Variants in GALNT10 observed in about 807,000 individuals in gnomAD.
GALNT10 encodes the protein GalNAc transferase 10.
Under a neutral mutation model 75.0 loss-of-function variants are expected in GALNT10, and 41 were observed. The observed-to-expected ratio is 0.55, with a 90% CI of 0.43 to 0.71. The LOEUF is 0.71. Among genes scored for constraint, GALNT10 ranks in the 30% least tolerant of loss-of-function variants. The probability of loss-of-function intolerance (pLI) is 0.00; values close to 1 mark genes in which losing one functional copy is unlikely to be tolerated. For synonymous variants in GALNT10, 302 were observed against 313.0 expected (o/e 0.96, Z 0.37); for missense variants, 727 against 818.5 (o/e 0.89, Z 1.36).
chr5:154,347,312 A>C (rs1755139253), intron 4 of GALNT10: 1 of 439,360 alleles, frequency 2.3e-6, no homozygotes, highest in Non-Finnish European at 4.3e-6. Context: ...AGAGTGATAC[A>C]CTATTATGCA....
intron 4 of GALNT10, among the ~76,000 whole-genome samples, chr5:154,346,267 G>T (rs1755123342): frequency 6.6e-6 from 1 of 152,064 alleles, no homozygotes; most frequent in Non-Finnish European, 1.5e-5. Flanking sequence ...GAACATGGCA[G>T]TACAGATATC....
At chr5:154,322,573 G>A (rs968952772) in intron 3 of GALNT10, among the ~76,000 whole-genome samples, 3 of 152,128 alleles carry the variant, frequency 2.0e-5, no homozygotes, top group Non-Finnish European at 4.4e-5. Context: ...TTAGGGCATG[G>A]CCATCCTTGG....
At chr5:154,383,737 T>C (rs576742532) in intron 6 of GALNT10, among the ~76,000 whole-genome samples, 168 of 152,276 alleles carry the variant, frequency 1.1e-3, no homozygotes, top group Non-Finnish European at 2.0e-3. Flanking sequence ...AGCGGTAGAT[T>C]TGTGGCTCCA....
intron 7 of GALNT10, chr5:154,389,152 A>T (rs2113189676): frequency 6.6e-6 from 1 of 152,102 alleles, no homozygotes; most frequent in African/African-American, 2.4e-5. Flanking sequence ...TATCCCAAGT[A>T]CCTAAAGCCT....
chr5:154,392,038 G>C (rs1363766550), intron 7 of GALNT10: 1 of 152,266 alleles, frequency 6.6e-6, no homozygotes, highest in Non-Finnish European at 1.5e-5. Flanking sequence ...TCCAGGTGCT[G>C]TGCCCAGAAG....
At chr5:154,225,301 C>T (rs147176042) in intron 1 of GALNT10, among the ~76,000 whole-genome samples, 2 of 151,842 alleles carry the variant, frequency 1.3e-5, no homozygotes, top group East Asian at 3.9e-4. Flanking sequence ...ACCCTGTTAG[C>T]CAGAATCGTC....
At chr5:154,279,612 T>C (rs549157249) in intron 1 of GALNT10, among the ~76,000 whole-genome samples, 1 of 152,086 alleles carries the variant, frequency 6.6e-6, no homozygotes, top group Admixed American at 6.5e-5. Flanking sequence ...TTAATGGTAG[T>C]TTTGATTTGC....
rs78185913 is a variant in GALNT10, at chr5:154,263,631, T to A, written c.160-31185T>A. 9.4e-3 allele frequency among the ~76,000 whole-genome samples: 1,427 copies of A among 152,274 alleles called. 9 individuals carry two copies. Among genetic ancestry groups the A allele is most frequent in the Non-Finnish European group, 0.015 (1,039 of 68,016 alleles). On this transcript the variant is annotated intron_variant, in intron 1 of 11. Transcript: ENST00000297107. ...GCTGGGAAGTCCAGGAGCAAGGCAGTGGCAGATTCAGTGTCTGATGAGGGC... is the reference window on the plus strand; with the variant it reads ...GCTGGGAAGTCCAGGAGCAAGGCAGAGGCAGATTCAGTGTCTGATGAGGGC...
chr5:154,256,682 T>G (rs1024882774), intron 1 of GALNT10, among the ~76,000 whole-genome samples: 12 of 152,120 alleles, frequency 7.9e-5, no homozygotes, highest in Admixed American at 3.3e-4. Flanking sequence ...GTTCACATAT[T>G]CTTCAAACAC....
intron 1 of GALNT10, among the ~76,000 whole-genome samples, chr5:154,281,732 G>A (rs1754041029): frequency 6.6e-6 from 1 of 152,190 alleles, no homozygotes; most frequent in African/African-American, 2.4e-5. Flanking sequence ...ACAAGATAGT[G>A]TATTTTTCTC....
At chr5:154,230,096 T>G (rs1753125794) in intron 1 of GALNT10, among the ~76,000 whole-genome samples, 1 of 152,236 alleles carries the variant, frequency 6.6e-6, no homozygotes, top group African/African-American at 2.4e-5. Flanking sequence ...ATAAATTTTT[T>G]GTTTTGTGAA....
At chr5:154,330,541 A>G (rs1358343913) in intron 4 of GALNT10, among the ~76,000 whole-genome samples, 1 of 152,160 alleles carries the variant, frequency 6.6e-6, no homozygotes, top group Non-Finnish European at 1.5e-5. Context: ...CAAGCATGTG[A>G]TCTTAGCTAC....
At chr5:154,256,070 C>A (rs978640936) in intron 1 of GALNT10, among the ~76,000 whole-genome samples, 1 of 152,028 alleles carries the variant, frequency 6.6e-6, no homozygotes, top group African/African-American at 2.4e-5. Flanking sequence ...TCCCTGAGCT[C>A]CCAGATCTTC....
intron 4 of GALNT10, among the ~76,000 whole-genome samples, chr5:154,348,490 A>G (rs1432283701): frequency 2.0e-5 from 3 of 152,194 alleles, no homozygotes; most frequent in African/African-American, 7.2e-5. Context: ...GTGATAAGAG[A>G]AAATATCTTT....
intron 1 of GALNT10, among the ~76,000 whole-genome samples, chr5:154,272,756 C>T (rs1753885866): frequency 6.6e-6 from 1 of 152,208 alleles, no homozygotes; most frequent in South Asian, 2.1e-4. Flanking sequence ...TTGCCTAGCG[C>T]AGAGCCTGGA....
chr5:154,408,947 G>A (rs551642408), intron 8 of GALNT10, among the ~76,000 whole-genome samples: 8 of 152,208 alleles, frequency 5.3e-5, no homozygotes, highest in Non-Finnish European at 7.4e-5. Context: ...CCAGCCCTCC[G>A]CTCTGCTTCA....
chr5:154,262,957 G>GA (rs111745595), intron 1 of GALNT10, among the ~76,000 whole-genome samples: 36,811 of 151,094 alleles, frequency 0.24, 5,430 homozygotes, highest in African/African-American at 0.42. Flanking sequence ...CTTGGTTTGA[G>GA]AAAAAAAAAG....
chr5:154,342,187 A>G (rs1459487075), intron 4 of GALNT10, among the ~76,000 whole-genome samples: 2 of 152,184 alleles, frequency 1.3e-5, no homozygotes. Context: ...CATTATGGGA[A>G]TGAGATGAAA....
chr5:154,252,190 T>C (rs1753533421), intron 1 of GALNT10, among the ~76,000 whole-genome samples: 1 of 152,170 alleles, frequency 6.6e-6, no homozygotes. Flanking sequence ...CCATTGTTTC[T>C]ATAGTTGTCC....
Sources: gnomAD v4.1 joint callset for allele counts (sites outside exome capture counted in the v4.1 genomes callset) on GRCh38, gnomAD v4.1.1 for gene constraint, MANE v1.5 for transcripts, NCBI Gene and HGNC (gene_info 2026-07-23, HGNC 2026-07-21) for gene names.